Variants in MUC12 observed in about 807,000 individuals in gnomAD.
MUC12 encodes the protein mucin-12.
Under a neutral mutation model 230.8 loss-of-function variants are expected in MUC12, and 172 were observed. The ratio of observed to expected loss-of-function variants is 0.75; its 90% CI spans 0.66 to 0.85. The LOEUF is 0.85. Ranked by LOEUF, MUC12 falls within the 40% of genes least tolerant of loss-of-function variation. The pLI, the probability that MUC12 is intolerant of heterozygous loss-of-function variation, is 0.00. For missense variants in MUC12, 3,506 were observed against 5,920.6 expected (o/e 0.59, Z 13.38); for synonymous variants, 1,259 against 2,401.9 (o/e 0.52, Z 13.91).
At chr7:100,976,848 C>T (rs1368110877) in intron 1 of MUC12, among the ~76,000 whole-genome samples, 2 of 151,668 alleles carry the variant, frequency 1.3e-5, no homozygotes, top group Non-Finnish European at 2.9e-5. Context: ...ATCGGGAGTT[C>T]GAGACCAGCC....
At position 100,992,837 on chromosome 7, in the gene MUC12, C is replaced by A. The variant is rs1368840949; in HGVS notation, c.2274C>A (p.Ser758=). The change falls in exon 2 of 12, where the codon TCC becomes TCA. Residue 758 remains serine, a synonymous_variant. Coordinates refer to ENST00000536621, the MANE Select transcript of MUC12 (RefSeq NM_001164462.2). ...STATTHFPDS[S]TTSGRSEEST... Reference sequence around the variant, plus strand: ...CAACAACACACTTCCCTGACAGCTCCACAACCTCAGGCCGTAGTGAGGAAT... The same window carrying A: ...CAACAACACACTTCCCTGACAGCTCAACAACCTCAGGCCGTAGTGAGGAAT... The A allele has an allele frequency of 3.9e-6, 6 of 1,537,608 alleles. No individual in the cohort carries two copies. Among genetic ancestry groups the A allele is most frequent in the Middle Eastern group, 1.7e-4 (1 of 6,008 alleles).
intron 1 of MUC12, among the ~76,000 whole-genome samples, chr7:100,987,129 C>G (rs1009468984): frequency 1.5e-5 from 2 of 132,898 alleles, no homozygotes. Flanking sequence ...TGCAATGGTG[C>G]AATCTCGGCT....
intron 10 of MUC12, chr7:101,017,177 G>A (rs1323672270): frequency 1.2e-5 from 2 of 167,644 alleles, no homozygotes; most frequent in African/African-American, 4.8e-5. Context: ...GCTGGAAGAA[G>A]ATTCCAGACG....
chr7:100,981,600 C>G (rs1793107122), intron 1 of MUC12: 1 of 433,644 alleles, frequency 2.3e-6, no homozygotes, highest in Non-Finnish European at 4.1e-6. Context: ...AGAGCTCAAG[C>G]TTGGTGTGAC....
intron 1 of MUC12, among the ~76,000 whole-genome samples, chr7:100,971,013 G>A (rs890106593): frequency 7.2e-5 from 11 of 151,806 alleles, no homozygotes; most frequent in African/African-American, 2.7e-4. Context: ...AAAATTAGCT[G>A]GGCATGGTGG....
At chr7:100,988,334 C>T (rs1793227268) in intron 1 of MUC12, among the ~76,000 whole-genome samples, 1 of 151,402 alleles carries the variant, frequency 6.6e-6, no homozygotes, top group Non-Finnish European at 1.5e-5. Context: ...TGTGTGGCAC[C>T]TCCCCTACCC....
At position 100,995,929 on chromosome 7, in the gene MUC12, C is replaced by G. The variant is rs1276975541; in HGVS notation, c.5366C>G (p.Thr1789Arg). 2.4e-6 allele frequency: 3 copies of G among 1,237,742 alleles called. No homozygotes were observed. Among genetic ancestry groups the G allele is most frequent in the South Asian group, 2.8e-5 (2 of 71,672 alleles). The allele number at this position is 1,237,742 out of a possible 1,614,324, so 76.7% of individuals were successfully genotyped here. ...ACAATGCACTTCCCTGAAAGCTCCA[C>G]AGCTTCAGGTCGTAGTGAAGAATCA... ...TQTMHFPESS[T>R]ASGRSEESRT... is the part of the protein sequence containing the mutation. Residue 1789 changes from threonine to arginine, a missense_variant, in exon 2 of 12, where the codon ACA becomes AGA. Physicochemically the swap from Thr to Arg is moderately conservative, Grantham distance 71. Transcript: ENST00000536621.
At chr7:100,975,032 G>C (rs1375904996) in intron 1 of MUC12, among the ~76,000 whole-genome samples, 12 of 143,810 alleles carry the variant, frequency 8.3e-5, no homozygotes, top group Non-Finnish European at 7.8e-5. Context: ...GTCTCCAGTT[G>C]GGCCTGTTGA....
chr7:101,017,763 C>G, intron 11 of MUC12, 100 bp downstream of exon 11: 1 of 835,622 alleles, frequency 1.2e-6, no homozygotes, highest in Non-Finnish European at 1.8e-6. Flanking sequence ...GGACTCCCTT[C>G]TCCCCCTGGG....
At chr7:100,978,621 CTG>C (rs1793064853) in intron 1 of MUC12, among the ~76,000 whole-genome samples, 2 of 152,108 alleles carry the variant, frequency 1.3e-5, no homozygotes. Flanking sequence ...TTCAGGGGAG[CTG>C]CCACTGGGGA....
chr7:101,008,876 C>A lies in MUC12; in HGVS notation c.15186+115C>A, dbSNP rs542578641. 4.9e-4 allele frequency: 680 copies of A among 1,378,850 alleles called. 11 individuals are homozygous for A. The highest frequency in any genetic ancestry group is 5.8e-5 in the Non-Finnish European group (60 of 1,036,820). The allele number at this position is 1,378,850 out of a possible 1,614,324, so 85.4% of individuals were successfully genotyped here. ...TTCTGCTCATGAGCCCCCTCCCTAC[C>A]AGTCTCCCTAAGTCTTGAAAGGAGG... On this transcript the variant is annotated intron_variant, in intron 4 of 11. Coordinates refer to ENST00000536621, the MANE Select transcript of MUC12 (RefSeq NM_001164462.2).
chr7:100,987,970 T>TAA (rs34064326), intron 1 of MUC12, among the ~76,000 whole-genome samples: 16 of 114,188 alleles, frequency 1.4e-4, no homozygotes, highest in African/African-American at 3.3e-4. Flanking sequence ...AAACTACGTC[T>TAA]AAAAAAAAAA....
In MUC12 at chr7:100,992,317, G is replaced by C. The variant is rs1176153444; in HGVS notation, c.1754G>C (p.Gly585Ala). The C allele has an allele frequency of 6.5e-7, 1 of 1,536,594 alleles. No homozygotes were observed. Among genetic ancestry groups the C allele is most frequent in the Non-Finnish European group, 8.7e-7 (1 of 1,146,100 alleles). ...PEYTTFHSRPGSTETTLLPDN... is the reference protein window; with the variant it reads ...PEYTTFHSRPASTETTLLPDN... ...TATACTACCTTCCACAGCCGCCCAGGCTCCACTGAAACAACACTCTTACCT... is the reference window on the plus strand; with the variant it reads ...TATACTACCTTCCACAGCCGCCCAGCCTCCACTGAAACAACACTCTTACCT... The change falls in exon 2 of 12, where the codon GGC becomes GCC. Residue 585 changes from glycine to alanine, a missense_variant. By Grantham distance (60) the Gly-to-Ala change is moderately conservative. Coordinates refer to ENST00000536621, the MANE Select transcript of MUC12 (RefSeq NM_001164462.2).
At chr7:100,974,938 G>C (rs1187768995) in intron 1 of MUC12, among the ~76,000 whole-genome samples, 1 of 152,310 alleles carries the variant, frequency 6.6e-6, no homozygotes, top group African/African-American at 2.4e-5. Context: ...GAGGCACCGA[G>C]AGCCACCCTG....
intron 1 of MUC12, among the ~76,000 whole-genome samples, chr7:100,976,999 C>T (rs962220882): frequency 2.0e-4 from 27 of 132,324 alleles, no homozygotes; most frequent in South Asian, 7.4e-4. Flanking sequence ...TGCAGTGAGC[C>T]GAGATCGTGA....
intron 5 of MUC12, among the ~76,000 whole-genome samples, chr7:101,009,385 A>G (rs1042203837): frequency 1.3e-5 from 2 of 152,224 alleles, no homozygotes; most frequent in Non-Finnish European, 2.9e-5. Flanking sequence ...CTGGGAACAC[A>G]GTAGTCCCAG....
chr7:101,014,437 A>G, intron 9 of MUC12: 1 of 180,640 alleles, frequency 5.5e-6, no homozygotes, highest in South Asian at 1.3e-4. Context: ...GCAACATGGC[A>G]GTCTGCAGCA....
chr7:100,979,149 T>C (rs946797410), intron 1 of MUC12, among the ~76,000 whole-genome samples: 3 of 152,144 alleles, frequency 2.0e-5, no homozygotes. Flanking sequence ...ATGTGGAATG[T>C]AGAAGCAGTA....
intron 4 of MUC12, 37 bp downstream of exon 4, chr7:101,008,798 G>A (rs1793796535): frequency 6.6e-7 from 1 of 1,517,626 alleles, no homozygotes; most frequent in Non-Finnish European, 8.8e-7. Context: ...CCAGGGTGAT[G>A]TCCCACGTGA....
Sources: allele counts gnomAD v4.1 joint callset (sites outside exome capture counted in the v4.1 genomes callset), GRCh38; gene constraint gnomAD v4.1.1; transcripts MANE v1.5; gene names NCBI Gene and HGNC (gene_info 2026-07-23, HGNC 2026-07-21).